The following COL5A2 variants were observed in gnomAD, a reference collection of about 807,000 sequenced individuals.
COL5A2 encodes collagen alpha-2(V) chain.
A neutral mutation model predicts 208.2 loss-of-function variants in COL5A2; 23 were observed. The ratio of observed to expected loss-of-function variants is 0.11; its 90% confidence interval spans 0.08 to 0.16. The LOEUF (loss-of-function observed/expected upper bound fraction) is 0.16. Among genes scored for constraint, COL5A2 ranks in the 10% least tolerant of loss-of-function variants. The pLI, the probability that COL5A2 is intolerant of heterozygous loss-of-function variation, is 1.00. For synonymous variants in COL5A2, 625 were observed against 628.5 expected (o/e 0.99, Z 0.08); for missense variants, 1,590 against 1,956.4 (o/e 0.81, Z 3.53).
chr2:189,115,357 A>G (rs1687367132), intron 1 of COL5A2, among the ~76,000 whole-genome samples: 1 of 151,908 alleles, frequency 6.6e-6, no homozygotes. Context: ...CTTGCCAACT[A>G]TATGGTATGC....
chr2:189,234,263 C>T, the COL5A2 span, among the ~76,000 whole-genome samples: 780 of 151,652 alleles, frequency 5.1e-3, 8 homozygotes, highest in African/African-American at 0.018. Flanking sequence ...TGTTTTTATA[C>T]TCTGTAATTT....
chr2:189,079,922 T>C (rs532229306), intron 14 of COL5A2, 56 bp downstream of exon 14: 5 of 1,446,208 alleles, frequency 3.5e-6, no homozygotes, highest in Non-Finnish European at 4.9e-6. Flanking sequence ...GTGTAAACAT[T>C]TGAAGCAAAA....
chr2:189,179,480 C>T (rs758106375), intron 1 of COL5A2, 28 bp downstream of exon 1: 2 of 1,605,630 alleles, frequency 1.2e-6, no homozygotes, highest in Non-Finnish European at 1.7e-6. Context: ...GCAATAAACA[C>T]TACAAGCAAA....
chr2:189,301,723 A>G, the COL5A2 span, among the ~76,000 whole-genome samples: 2 of 152,210 alleles, frequency 1.3e-5, no homozygotes, highest in East Asian at 1.9e-4. Context: ...CCTTGAATGC[A>G]GAAGAAACCA....
intron 6 of COL5A2, among the ~76,000 whole-genome samples, chr2:189,094,646 C>T (rs1040445910): frequency 1.5e-4 from 20 of 132,544 alleles, no homozygotes; most frequent in Non-Finnish European, 2.2e-4. Context: ...CACACACACA[C>T]ATAAATGTTA....
chr2:189,436,444 C>G, the COL5A2 span, among the ~76,000 whole-genome samples: 1 of 152,022 alleles, frequency 6.6e-6, no homozygotes, highest in Non-Finnish European at 1.5e-5. Context: ...TTAATGGGTG[C>G]AGCACACCAA....
the COL5A2 span, among the ~76,000 whole-genome samples, chr2:189,295,676 G>A: frequency 1.3e-5 from 2 of 152,114 alleles, no homozygotes; most frequent in Non-Finnish European, 2.9e-5. Flanking sequence ...TGACAAAATT[G>A]ATTTAGCCAC....
chr2:189,428,797 A>C, the COL5A2 span, among the ~76,000 whole-genome samples: 1 of 152,174 alleles, frequency 6.6e-6, no homozygotes, highest in Non-Finnish European at 1.5e-5. Context: ...GAGCCAATTA[A>C]ACCTATTTTC....
rs368077654 is a variant in COL5A2 at position 189,094,086 on chromosome 2, T to C, written c.457-1666A>G. On this transcript the variant is annotated intron_variant, in intron 6 of 53. Transcript: ENST00000374866. Reference sequence around the variant, plus strand: ...AATATTCATTAGTCCTCCAAAGAGATTGTGACTTTCTCCATTCTTCTGTAA... The same window carrying C: ...AATATTCATTAGTCCTCCAAAGAGACTGTGACTTTCTCCATTCTTCTGTAA... Among the ~76,000 whole-genome samples the C allele has an allele frequency of 7.9e-5, 12 of 152,320 alleles. No individual in the cohort carries two copies. In the South Asian group the frequency reaches 1.2e-3, roughly 16 times the overall value.
At chr2:189,109,520 G>C (rs1687217990) in intron 2 of COL5A2, among the ~76,000 whole-genome samples, 1 of 152,008 alleles carries the variant, frequency 6.6e-6, no homozygotes, top group South Asian at 2.1e-4. Context: ...TCTCATGACT[G>C]CTAACACAAA....
intron 1 of COL5A2, among the ~76,000 whole-genome samples, chr2:189,164,452 T>C (rs923463041): frequency 3.9e-5 from 6 of 152,182 alleles, no homozygotes; most frequent in Admixed American, 2.6e-4. Flanking sequence ...GGAGATGTTC[T>C]AGATAGTTAT....
intron 9 of COL5A2, 21 bp from the exon 10 acceptor site, chr2:189,085,793 T>A: frequency 6.3e-7 from 1 of 1,598,080 alleles, no homozygotes; most frequent in Non-Finnish European, 8.6e-7. Context: ...AAACAAAGTA[T>A]ATATACAAAC....
rs539674529 is a variant in COL5A2 at position 189,082,511 on chromosome 2, G to C, written c.853-1468C>G. ...CTCCATCCTTAGCAGGCAACTTAGT[G>C]CAGACCCGTCTAAGCCTATAGGGGA... On this transcript the variant is annotated intron_variant, in intron 12 of 53. Coordinates refer to ENST00000374866, the MANE Select transcript of COL5A2 (RefSeq NM_000393.5). Among the ~76,000 whole-genome samples the C allele has an allele frequency of 3.6e-4, 55 of 152,284 alleles. 1 individual carries two copies. Among genetic ancestry groups the C allele is most frequent in the African/African-American group, 1.3e-3 (52 of 41,558 alleles).
At chr2:189,108,758 C>T (rs1277566994) in intron 2 of COL5A2, among the ~76,000 whole-genome samples, 8 of 151,790 alleles carry the variant, frequency 5.3e-5, no homozygotes, top group Non-Finnish European at 7.4e-5. Flanking sequence ...CCTTCTACAT[C>T]TATTATTTTT....
At chr2:189,286,393 A>G in the COL5A2 span, among the ~76,000 whole-genome samples, 1 of 152,204 alleles carries the variant, frequency 6.6e-6, no homozygotes, top group Non-Finnish European at 1.5e-5. Context: ...TGAATGGAAA[A>G]TGTTAGGAAA....
At chr2:189,283,875 A>T in the COL5A2 span, among the ~76,000 whole-genome samples, 2 of 152,154 alleles carry the variant, frequency 1.3e-5, no homozygotes, top group African/African-American at 4.8e-5. Flanking sequence ...TACCAACTTC[A>T]AAAAATACCA....
At chr2:189,379,046 A>G in the COL5A2 span, among the ~76,000 whole-genome samples, 1 of 152,164 alleles carries the variant, frequency 6.6e-6, no homozygotes, top group African/African-American at 2.4e-5. Flanking sequence ...CTGGGAAAGT[A>G]GTTCTAAATT....
chr2:189,081,133 G>T, intron 12 of COL5A2, 90 bp from the exon 13 acceptor site: 1 of 1,005,622 alleles, frequency 9.9e-7, no homozygotes, highest in Non-Finnish European at 1.6e-6. Flanking sequence ...AAAATAGCTA[G>T]TACACAGTTT....
chr2:189,209,605 C>T (rs1007798802), intron 1 of COL5A2, among the ~76,000 whole-genome samples: 1 of 152,030 alleles, frequency 6.6e-6, no homozygotes, highest in Non-Finnish European at 1.5e-5. Flanking sequence ...TAAAGAACTT[C>T]CTTTTAACAA....
Sources: allele counts gnomAD v4.1 joint callset (sites outside exome capture counted in the v4.1 genomes callset), GRCh38; gene constraint gnomAD v4.1.1; transcripts MANE v1.5; gene names NCBI Gene and HGNC (gene_info 2026-07-23, HGNC 2026-07-21).